The following HMGCLL1 variants were observed in gnomAD, a reference collection of about 807,000 sequenced individuals.
HMGCLL1 encodes the protein 3-hydroxy-3-methylglutaryl-CoA lyase like 1.
In HMGCLL1, 36 loss-of-function variants were observed where a neutral mutation model predicts 39.1. The observed-to-expected ratio is 0.92, with a 90% confidence interval of 0.71 to 1.22. HMGCLL1 has a LOEUF of 1.22. HMGCLL1 is among the 50% of genes most tolerant of loss of function. The pLI, the probability that HMGCLL1 is intolerant of heterozygous loss-of-function variation, is 0.00. For synonymous variants in HMGCLL1, 149 were observed against 144.0 expected, an observed-to-expected ratio of 1.03 and a Z score of -0.25; for missense variants, 451 against 416.5, an observed-to-expected ratio of 1.08 and a Z score of -0.72.
chr6:55,623,968 CT>C, the HMGCLL1 span, among the ~76,000 whole-genome samples: 1 of 151,948 alleles, frequency 6.6e-6, no homozygotes, highest in Non-Finnish European at 1.5e-5. Flanking sequence ...ATTACCTGAC[CT>C]CCATTAGCCC....
Position 55,579,133 on chromosome 6 carries a change from G to A in HMGCLL1, c.-78C>T. 7 of 1,119,738 alleles carry A rather than the reference G, an allele frequency of 6.3e-6. No individual in the cohort carries two copies. Among genetic ancestry groups the A allele is most frequent in the Non-Finnish European group, 9.2e-6 (7 of 758,418 alleles). 69.4% of individuals were successfully genotyped at this position (1,119,738 alleles called of 1,614,324 possible). On this transcript the variant is annotated 5_prime_UTR_variant, in exon 1 of 9. Transcript: ENST00000274901. Reference sequence around the variant, plus strand: ...GGGGCGGGCACCGCGCTGGGAAACTGCGCCAGCTCGGGAGCGCGCCCCTCC... The same window carrying A: ...GGGGCGGGCACCGCGCTGGGAAACTACGCCAGCTCGGGAGCGCGCCCCTCC...
chr6:55,619,698 C>T, the HMGCLL1 span, among the ~76,000 whole-genome samples: 1 of 152,060 alleles, frequency 6.6e-6, no homozygotes, highest in Non-Finnish European at 1.5e-5. Flanking sequence ...CTATTATAAA[C>T]ATTCCAATTA....
At chr6:55,596,646 A>G in the HMGCLL1 span, among the ~76,000 whole-genome samples, 1 of 152,248 alleles carries the variant, frequency 6.6e-6, no homozygotes, top group African/African-American at 2.4e-5. Flanking sequence ...AAAACATAGT[A>G]AAAGTTTCAG....
rs143859831 is a variant in HMGCLL1 at position 55,551,927 on chromosome 6, T to C, written c.109-9787A>G. 4.9e-4 allele frequency among the ~76,000 whole-genome samples: 74 copies of C among 152,138 alleles called. 1 individual carries two copies. The highest frequency in any genetic ancestry group is 1.5e-3 in the African/African-American group (63 of 41,392). ...ATTTTATAGAATTCTCTCAGTGCTA[T>C]ATTCATTCACCTATTGTCTGTCATA... On this transcript the variant is annotated intron_variant, in intron 1 of 8. Coordinates refer to ENST00000274901, the MANE Select transcript of HMGCLL1 (RefSeq NM_001042406.2).
chr6:55,574,931 A>C (rs1227931715), intron 1 of HMGCLL1, among the ~76,000 whole-genome samples: 1 of 152,018 alleles, frequency 6.6e-6, no homozygotes, highest in Admixed American at 6.6e-5. Context: ...CACATAATCT[A>C]CTACTTTATT....
the HMGCLL1 span, among the ~76,000 whole-genome samples, chr6:55,584,986 T>C: frequency 6.6e-6 from 1 of 152,008 alleles, no homozygotes; most frequent in Admixed American, 6.6e-5. Flanking sequence ...CATATCAGTT[T>C]TATTGCTGAA....
chr6:55,485,638 A>G (rs1433956703), intron 7 of HMGCLL1, among the ~76,000 whole-genome samples: 1 of 152,070 alleles, frequency 6.6e-6, no homozygotes, highest in East Asian at 1.9e-4. Flanking sequence ...CAGAGTAGAC[A>G]AAGAACAAGA....
At chr6:55,450,941 A>G (rs1273185022) in intron 7 of HMGCLL1, among the ~76,000 whole-genome samples, 1 of 152,166 alleles carries the variant, frequency 6.6e-6, no homozygotes, top group African/African-American at 2.4e-5. Flanking sequence ...AAAACAAATA[A>G]CCAATCTCAA....
At chr6:55,574,892 C>T (rs1771688193) in intron 1 of HMGCLL1, among the ~76,000 whole-genome samples, 2 of 151,822 alleles carry the variant, frequency 1.3e-5, no homozygotes, top group African/African-American at 2.4e-5. Context: ...GGATCAGAAT[C>T]GAATGTAAAA....
At chr6:55,637,802 CATGT>C in the HMGCLL1 span, among the ~76,000 whole-genome samples, 1 of 150,790 alleles carries the variant, frequency 6.6e-6, no homozygotes, top group South Asian at 2.1e-4. Context: ...ATCATAGATA[CATGT>C]ATGTACAGCA....
chr6:55,641,930 T>C, the HMGCLL1 span, among the ~76,000 whole-genome samples: 1 of 147,496 alleles, frequency 6.8e-6, no homozygotes, highest in South Asian at 2.1e-4. Flanking sequence ...TATTATACTT[T>C]AAGTTTTAGG....
chr6:55,547,169 T>C (rs554624450), intron 1 of HMGCLL1, among the ~76,000 whole-genome samples: 4 of 152,158 alleles, frequency 2.6e-5, no homozygotes, highest in African/African-American at 9.6e-5. Context: ...AACTATTGAG[T>C]TATGGTTGAA....
chr6:55,561,198 G>A (rs1339837494), intron 1 of HMGCLL1, among the ~76,000 whole-genome samples: 2 of 152,108 alleles, frequency 1.3e-5, no homozygotes, highest in Non-Finnish European at 2.9e-5. Flanking sequence ...CTTCCCAGAA[G>A]ATTCTCATAT....
At chr6:55,551,821 A>G (rs1210018644) in intron 1 of HMGCLL1, among the ~76,000 whole-genome samples, 2 of 152,100 alleles carry the variant, frequency 1.3e-5, no homozygotes, top group African/African-American at 4.8e-5. Context: ...TGCAGCCTCC[A>G]ATGGATGAAA....
At chr6:55,542,823 A>G (rs1161876762) in intron 1 of HMGCLL1, among the ~76,000 whole-genome samples, 18 of 139,942 alleles carry the variant, frequency 1.3e-4, no homozygotes, top group African/African-American at 4.8e-4. Context: ...TTACATATAT[A>G]TGTAATATAT....
Position 55,541,814 on chromosome 6 carries a change from T to G in HMGCLL1, c.212A>C (p.Lys71Thr), listed in dbSNP as rs1415035178. The change falls in exon 3 of 9, where the codon AAA becomes ACA. Residue 71 changes from lysine (K) to threonine (T), a missense_variant. By Grantham distance (78) the Lys-to-Thr change is moderately conservative (BLOSUM62 -1). Coordinates refer to ENST00000274901, the MANE Select transcript of HMGCLL1 (RefSeq NM_001042406.2). Reference protein sequence around the residue: ...NEKVIVPTDIKIEFINRLSQT... With the variant: ...NEKVIVPTDITIEFINRLSQT... Reference sequence around the variant, plus strand: ...GGAAAGTCGATTGATAAATTCAATTTTTATATCTGTAGGAACTATAACCTA... The same window carrying G: ...GGAAAGTCGATTGATAAATTCAATTGTTATATCTGTAGGAACTATAACCTA... 4 of 1,600,952 alleles carry G rather than the reference T, an allele frequency of 2.5e-6. No individual in the cohort carries two copies. The highest frequency in any genetic ancestry group is 3.4e-6 in the Non-Finnish European group (4 of 1,170,174).
the HMGCLL1 span, among the ~76,000 whole-genome samples, chr6:55,669,115 T>TAA: frequency 2.1e-5 from 3 of 142,686 alleles, no homozygotes; most frequent in African/African-American, 5.2e-5. Flanking sequence ...AAGGAGGAAT[T>TAA]AAAAAAAAAA....
chr6:55,631,004 TGA>T, the HMGCLL1 span, among the ~76,000 whole-genome samples: 1 of 152,140 alleles, frequency 6.6e-6, no homozygotes, highest in Admixed American at 6.6e-5. Context: ...CCTTGACCTT[TGA>T]GAGTTTGATT....
At chr6:55,499,413 C>A (rs371360223) in intron 5 of HMGCLL1, 114 bp from the exon 6 acceptor site, 1 of 703,112 alleles carries the variant, frequency 1.4e-6, no homozygotes, top group Non-Finnish European at 2.2e-6. Flanking sequence ...TGCACTATTA[C>A]TTTATTATTA....
Sources: allele counts gnomAD v4.1 joint callset (sites outside exome capture counted in the v4.1 genomes callset), GRCh38; gene constraint gnomAD v4.1.1; transcripts MANE v1.5; gene names NCBI Gene and HGNC (gene_info 2026-07-23, HGNC 2026-07-21).